PDE11A: variants seen among roughly 807,000 people sequenced by gnomAD.
PDE11A encodes dual 3',5'-cyclic-AMP and -GMP phosphodiesterase 11A.
Under a neutral mutation model 100.5 loss-of-function variants are expected in PDE11A, and 100 were observed. The ratio of observed to expected loss-of-function variants is 1.00; its 90% confidence interval spans 0.85 to 1.18. PDE11A has a LOEUF of 1.18. Ranked by LOEUF, PDE11A falls within the 50% of genes most tolerant of loss-of-function variation. The probability of loss-of-function intolerance (pLI) is 0.00; values close to 1 mark genes in which losing one functional copy is unlikely to be tolerated. For synonymous variants in PDE11A, 381 were observed against 420.8 expected (o/e 0.91, Z 1.16); for missense variants, 1,141 against 1,152.6 (o/e 0.99, Z 0.15).
Position 177,652,264 on chromosome 2 carries a change from G to A in PDE11A, c.2646+11602C>T, listed in dbSNP as rs540491813. Among the ~76,000 whole-genome samples, 4 of 152,310 alleles carry A rather than the reference G, an allele frequency of 2.6e-5. No homozygotes were observed. In the South Asian group the frequency reaches 8.3e-4, roughly 32 times the overall value. On this transcript the variant is annotated intron_variant, in intron 19 of 19. Transcript: ENST00000286063. ...ATAAAGGAACCCAAAGAGGGTCCCA[G>A]AGGCTAGAATATCTACCTCCTGGGG...
At chr2:177,827,628 T>G (rs2083246017) in intron 6 of PDE11A, among the ~76,000 whole-genome samples, 1 of 152,216 alleles carries the variant, frequency 6.6e-6, no homozygotes, top group Non-Finnish European at 1.5e-5. Flanking sequence ...TGGCTTGTTT[T>G]GCATTAGTGT....
At chr2:177,964,561 T>C (rs2085675357) in intron 2 of PDE11A, among the ~76,000 whole-genome samples, 1 of 152,144 alleles carries the variant, frequency 6.6e-6, no homozygotes, top group African/African-American at 2.4e-5. Context: ...TCAAATAGGC[T>C]CTAGCGTCTA....
intron 10 of PDE11A, among the ~76,000 whole-genome samples, chr2:177,739,130 C>A (rs1047199451): frequency 1.3e-5 from 2 of 152,128 alleles, no homozygotes; most frequent in African/African-American, 2.4e-5. Flanking sequence ...TGGTAGAGAA[C>A]AATGTTAGAG....
chr2:177,805,733 C>A (rs559337993), intron 9 of PDE11A, among the ~76,000 whole-genome samples: 6 of 152,210 alleles, frequency 3.9e-5, no homozygotes, highest in African/African-American at 1.2e-4. Context: ...ATGCTAATAT[C>A]TGATACATTC....
At chr2:178,084,643 G>A (rs903997230) in intron 2 of PDE11A, among the ~76,000 whole-genome samples, 4 of 152,106 alleles carry the variant, frequency 2.6e-5, no homozygotes, top group African/African-American at 9.7e-5. Context: ...ATGACTGGTC[G>A]GGTTAACAGG....
chr2:177,661,461 C>T (rs7591897), intron 19 of PDE11A, among the ~76,000 whole-genome samples: 117,636 of 152,114 alleles, frequency 0.77, 46,152 homozygotes, highest in East Asian at 0.89. Context: ...TGCCCACTGA[C>T]TGATTCAATT....
At chr2:177,671,743 T>C (rs188097881) in intron 17 of PDE11A, among the ~76,000 whole-genome samples, 3,863 of 150,534 alleles carry the variant, frequency 0.026, 147 homozygotes, top group African/African-American at 0.091. Context: ...GAAACTCACA[T>C]CCAGAAAATA....
intron 19 of PDE11A, among the ~76,000 whole-genome samples, chr2:177,656,891 G>T (rs574265761): frequency 7.0e-4 from 106 of 152,334 alleles, no homozygotes; most frequent in African/African-American, 2.5e-3. Flanking sequence ...GGCAAAGGGT[G>T]TCTGGTAAGG....
intron 2 of PDE11A, among the ~76,000 whole-genome samples, chr2:177,937,846 G>T (rs1273561169): frequency 6.6e-6 from 1 of 152,006 alleles, no homozygotes; most frequent in Admixed American, 6.6e-5. Flanking sequence ...CTTTTTCCAA[G>T]AAATAGAGAA....
intron 2 of PDE11A, among the ~76,000 whole-genome samples, chr2:177,987,243 G>A (rs2085951524): frequency 6.6e-6 from 1 of 152,160 alleles, no homozygotes; most frequent in East Asian, 1.9e-4. Context: ...AGGGGATGAA[G>A]AGGGAAAAGG....
At chr2:177,999,792 G>A (rs1317720983) in intron 2 of PDE11A, among the ~76,000 whole-genome samples, 3 of 152,226 alleles carry the variant, frequency 2.0e-5, no homozygotes, top group Non-Finnish European at 4.4e-5. Context: ...CAGTGAGAGA[G>A]TTTGCTATTA....
chr2:178,034,038 A>G (rs2086579340), intron 1 of PDE11A, among the ~76,000 whole-genome samples: 1 of 152,238 alleles, frequency 6.6e-6, no homozygotes, highest in Non-Finnish European at 1.5e-5. Context: ...TCAAATTCAC[A>G]CATAACAATA....
chr2:177,855,883 T>C (rs1232167834), intron 5 of PDE11A, among the ~76,000 whole-genome samples: 2 of 147,294 alleles, frequency 1.4e-5, no homozygotes, highest in East Asian at 2.0e-4. Context: ...TACATATTCA[T>C]AGACATCTAG....
intron 1 of PDE11A, among the ~76,000 whole-genome samples, chr2:178,104,911 G>A (rs2087600634): frequency 1.3e-5 from 2 of 152,136 alleles, no homozygotes; most frequent in South Asian, 4.1e-4. Context: ...TAGGAAAGGT[G>A]TTTAACTATG....
rs2079805997 is a variant in PDE11A, at chr2:177,624,600, C to T, written c.*4807G>A. The stretch of plus-strand genomic sequence containing the variant: ...AAAATGTTAAAGATGATTTCTAACC[C>T]AATGTATTTGCAAATATACAATACC... On this transcript the variant is annotated 3_prime_UTR_variant, in exon 20 of 20. Coordinates refer to ENST00000286063, the MANE Select transcript of PDE11A (RefSeq NM_016953.4). 6.6e-6 allele frequency: 1 copy of T among 152,080 alleles called. No homozygotes were observed. Among genetic ancestry groups the T allele is most frequent in the Non-Finnish European group, 1.5e-5 (1 of 68,020 alleles). The allele number at this position is 152,080 out of a possible 1,614,324, so 9.4% of individuals were successfully genotyped here. A position where few individuals can be genotyped will look rare whatever the true frequency, so the allele number is the denominator to read the frequency against.
chr2:177,832,607 T>A (rs2083330378), intron 6 of PDE11A, among the ~76,000 whole-genome samples: 1 of 138,728 alleles, frequency 7.2e-6, no homozygotes, highest in Non-Finnish European at 1.6e-5. Context: ...CTATCTCCTA[T>A]TAGTTCTGTC....
At chr2:177,660,099 CT>C (rs1443065156) in intron 19 of PDE11A, among the ~76,000 whole-genome samples, 1 of 42,346 alleles carries the variant, frequency 2.4e-5, no homozygotes, top group African/African-American at 6.7e-5. Flanking sequence ...TTCTTTCTTT[CT>C]CTCTCTCTCT....
rs545600748 is a variant in PDE11A, at chr2:178,006,401, C to T, written c.1071+7901G>A. Reference sequence around the variant, plus strand: ...TAAGGAAAAGTATGGGAGTGGGAAGCCCAAGACAAAATCAGGGGCAGGGTA... The same window carrying T: ...TAAGGAAAAGTATGGGAGTGGGAAGTCCAAGACAAAATCAGGGGCAGGGTA... On this transcript the variant is annotated intron_variant, in intron 2 of 19. Transcript: ENST00000286063. Among the ~76,000 whole-genome samples the T allele has an allele frequency of 3.9e-5, 6 of 152,188 alleles. No individual in the cohort carries two copies. The South Asian group carries it at 1.2e-3, about 32-fold the overall frequency.
intron 1 of PDE11A, among the ~76,000 whole-genome samples, chr2:178,071,069 T>A (rs1022131408): frequency 6.6e-6 from 1 of 152,200 alleles, no homozygotes; most frequent in Non-Finnish European, 1.5e-5. Context: ...CTCTTTCCAA[T>A]ATTGACTTAG....
Sources: allele counts gnomAD v4.1 joint callset (sites outside exome capture counted in the v4.1 genomes callset), GRCh38; gene constraint gnomAD v4.1.1; transcripts MANE v1.5; gene names NCBI Gene and HGNC (gene_info 2026-07-23, HGNC 2026-07-21).